ARHGEF28: variants seen among roughly 807,000 people sequenced by gnomAD.
ARHGEF28 encodes 190 kDa guanine nucleotide exchange factor.
In ARHGEF28, 152 loss-of-function variants were observed where a neutral mutation model predicts 206.6. The observed-to-expected ratio is 0.74, with a 90% CI of 0.64 to 0.84. The LOEUF (loss-of-function observed/expected upper bound fraction) is 0.84, where lower values mean the gene tolerates loss of function less well. Ranked by LOEUF, ARHGEF28 falls within the 40% of genes least tolerant of loss-of-function variation. ARHGEF28 has a pLI of 0.00. For synonymous variants in ARHGEF28, 763 were observed against 776.4 expected, an observed-to-expected ratio of 0.98 and a Z score of 0.29; for missense variants, 2,028 against 2,073.2, an observed-to-expected ratio of 0.98 and a Z score of 0.42.
intron 4 of ARHGEF28, among the ~76,000 whole-genome samples, chr5:73,759,485 G>A (rs1277721044): frequency 2.0e-5 from 3 of 152,220 alleles, no homozygotes; most frequent in Admixed American, 2.0e-4. Flanking sequence ...GAAGGAGAAT[G>A]TTTGTTTTTC....
intron 26 of ARHGEF28, among the ~76,000 whole-genome samples, chr5:73,888,235 ATTCT>A (rs1761421988): frequency 6.6e-6 from 1 of 152,236 alleles, no homozygotes; most frequent in Non-Finnish European, 1.5e-5. Context: ...TTGACAGAAG[ATTCT>A]TTCTTATTTT....
chr5:73,813,460 G>A, intron 9 of ARHGEF28: 1 of 1,454,052 alleles, frequency 6.9e-7, no homozygotes, highest in Admixed American at 2.4e-5. Flanking sequence ...CTGGTGTGCA[G>A]GAGCTATTTC....
At chr5:73,923,039 A>G (rs765780203) in intron 35 of ARHGEF28, 6 of 1,490,306 alleles carry the variant, frequency 4.0e-6, no homozygotes, top group Admixed American at 4.2e-5. Flanking sequence ...CCAAAATGTG[A>G]TGGTCTGTTA....
At chr5:73,676,134 G>A (rs1008186574) in intron 1 of ARHGEF28, among the ~76,000 whole-genome samples, 5 of 147,418 alleles carry the variant, frequency 3.4e-5, no homozygotes, top group South Asian at 2.2e-4. Context: ...GCAATGGTGC[G>A]ATCTCGGTTC....
chr5:73,783,901 C>A (rs1425355237), intron 7 of ARHGEF28, among the ~76,000 whole-genome samples: 1 of 152,124 alleles, frequency 6.6e-6, no homozygotes, highest in East Asian at 1.9e-4. Flanking sequence ...GAAATCCAAG[C>A]CCTCTGACTC....
At chr5:73,785,508 T>C (rs545766720) in intron 7 of ARHGEF28, among the ~76,000 whole-genome samples, 1 of 152,270 alleles carries the variant, frequency 6.6e-6, no homozygotes, top group African/African-American at 2.4e-5. Flanking sequence ...TTCAAACTGT[T>C]CACAGTGATC....
chr5:73,692,236 G>T (rs1180573264), intron 2 of ARHGEF28, among the ~76,000 whole-genome samples: 2 of 152,102 alleles, frequency 1.3e-5, no homozygotes, highest in African/African-American at 4.8e-5. Flanking sequence ...ACTAATCCGT[G>T]GAGATTTTTT....
rs182155003 is a variant in ARHGEF28 at position 73,811,524 on chromosome 5, C to G, written c.1024+16133C>G. ...ACAGCGTCCTAGGCACCATTCTGTG[C>G]TCTAAAATCAAGAGTGAATGTAAAT... On this transcript the variant is annotated intron_variant, in intron 9 of 35. Coordinates refer to ENST00000513042, the MANE Select transcript of ARHGEF28 (RefSeq NM_001177693.2). 2.3e-4 allele frequency among the ~76,000 whole-genome samples: 35 copies of G among 152,250 alleles called. 1 individual carries two copies. In the East Asian group the frequency reaches 6.8e-3, roughly 29 times the overall value.
chr5:73,845,986 C>CAAAAAAAAAAAAAAAAAAAAAAAAA (rs57600570), intron 11 of ARHGEF28, among the ~76,000 whole-genome samples: 5 of 63,762 alleles, frequency 7.8e-5, no homozygotes, highest in East Asian at 5.0e-4. Flanking sequence ...AAAACTGTCT[C>CAAAAAAAAAAAAAAAAAAAAAAAAA]AAAAAAAAAA....
chr5:73,845,204 A>G (rs573363775), intron 11 of ARHGEF28, among the ~76,000 whole-genome samples: 1 of 151,860 alleles, frequency 6.6e-6, no homozygotes, highest in Middle Eastern at 3.4e-3. Context: ...TTTTTAGTAG[A>G]GATGTAGTTT....
At position 73,715,904 on chromosome 5, in the gene ARHGEF28, A is replaced by C. The variant is rs534118349; in HGVS notation, c.33+31020A>C. Among the ~76,000 whole-genome samples the C allele has an allele frequency of 1.5e-4, 23 of 152,342 alleles. No individual in the cohort carries two copies. In the East Asian group the frequency reaches 3.9e-3, roughly 26 times the overall value. On this transcript the variant is annotated intron_variant, in intron 2 of 35. Transcript: ENST00000513042. ...AAGGCTTGCCTACAACTGAGAGGTGACATGTGCTAATCGGAGTTCCATCTT... is the reference window on the plus strand; with the variant it reads ...AAGGCTTGCCTACAACTGAGAGGTGCCATGTGCTAATCGGAGTTCCATCTT...
At chr5:73,875,180 C>T (rs199964756) in intron 22 of ARHGEF28, among the ~76,000 whole-genome samples, 2 of 151,932 alleles carry the variant, frequency 1.3e-5, no homozygotes, top group Admixed American at 1.3e-4. Context: ...TGATGATGAG[C>T]ATTTTTTCAT....
rs143346938 is a variant in ARHGEF28 at position 73,729,086 on chromosome 5, T to C, written c.34-20751T>C. ...AAGGGATTTCAAGAACCTGTAAGGA[T>C]TGCCAGTGTGTGTAGCTGCATCGCT... is the stretch of plus-strand genomic sequence containing the variant. On this transcript the variant is annotated intron_variant, in intron 2 of 35. Coordinates refer to ENST00000513042, the MANE Select transcript of ARHGEF28 (RefSeq NM_001177693.2). Among the ~76,000 whole-genome samples, 223 of 152,302 alleles carry C rather than the reference T, an allele frequency of 1.5e-3. 4 individuals carry two copies. The highest frequency in any genetic ancestry group is 0.014 in the Middle Eastern group (4 of 294).
At chr5:73,799,668 A>G (rs1755021014) in intron 9 of ARHGEF28, among the ~76,000 whole-genome samples, 1 of 152,206 alleles carries the variant, frequency 6.6e-6, no homozygotes, top group Non-Finnish European at 1.5e-5. Context: ...CATGAAATTT[A>G]TTTGGCCAAA....
chr5:73,750,185 T>G (rs1230646682), intron 3 of ARHGEF28, among the ~76,000 whole-genome samples: 1 of 152,166 alleles, frequency 6.6e-6, no homozygotes, highest in Non-Finnish European at 1.5e-5. Flanking sequence ...GCTGCTTAAT[T>G]AGGAGTCTTA....
At chr5:73,914,419 A>C (rs1406315712) in intron 35 of ARHGEF28, among the ~76,000 whole-genome samples, 4 of 131,858 alleles carry the variant, frequency 3.0e-5, no homozygotes, top group East Asian at 2.1e-4. Context: ...TTTTTTGAGA[A>C]GGAGTCTCTC....
At chr5:73,726,115 A>C (rs1337721543) in intron 2 of ARHGEF28, among the ~76,000 whole-genome samples, 1 of 152,180 alleles carries the variant, frequency 6.6e-6, no homozygotes, top group East Asian at 1.9e-4. Context: ...CAAAGACCAT[A>C]TCCCTAAAAG....
intron 9 of ARHGEF28, 126 bp downstream of exon 9, chr5:73,795,517 G>T (rs995579290): frequency 2.5e-6 from 2 of 788,422 alleles, no homozygotes; most frequent in Non-Finnish European, 4.1e-6. Context: ...TTCCTGAAAC[G>T]CATCCAGATA....
rs370892258 is a variant in ARHGEF28 at position 73,661,391 on chromosome 5, C to T, written c.-11-23450C>T. 4.8e-4 allele frequency among the ~76,000 whole-genome samples: 73 copies of T among 152,256 alleles called. 1 individual carries two copies. In the South Asian group the frequency reaches 8.9e-3, roughly 19 times the overall value. On this transcript the variant is annotated intron_variant, in intron 1 of 35. Coordinates refer to ENST00000513042, the MANE Select transcript of ARHGEF28 (RefSeq NM_001177693.2). ...CTATCCACACCACTCAAACTTTCTCCGTATCAGCAATAAGGCTGTTTCACT... is the reference window on the plus strand; with the variant it reads ...CTATCCACACCACTCAAACTTTCTCTGTATCAGCAATAAGGCTGTTTCACT...
Sources: gnomAD v4.1 joint callset for allele counts (sites outside exome capture counted in the v4.1 genomes callset) on GRCh38, gnomAD v4.1.1 for gene constraint, MANE v1.5 for transcripts, NCBI Gene and HGNC (gene_info 2026-07-23, HGNC 2026-07-21) for gene names.